CENPT: variants seen among roughly 807,000 people sequenced by gnomAD.
CENPT encodes centromere protein T.
Under a neutral mutation model 59.7 loss-of-function variants are expected in CENPT, and 42 were observed. The observed-to-expected ratio is 0.70, with a 90% CI of 0.55 to 0.91. The LOEUF is 0.91. CENPT is among the 40% of genes least tolerant of loss of function. The pLI is 0.00. For missense variants in CENPT, 716 were observed against 713.4 expected (o/e 1.00, Z -0.04); for synonymous variants, 295 against 289.6 (o/e 1.02, Z -0.19).
At chr16:67,844,420 A>G (rs534119325) in intron 1 of CENPT, among the ~76,000 whole-genome samples, 3 of 152,262 alleles carry the variant, frequency 2.0e-5, no homozygotes, top group African/African-American at 7.2e-5. Context: ...AACTGCACCA[A>G]ATGGGCCCAG....
chr16:67,842,629 G>A lies in CENPT; in HGVS notation c.-492+4772C>T, dbSNP rs1303762427. ...GGGACAAGGCGCTGCACTTCTACAC[G>A]TTTCCAAAGGACGCTGAGTTGCGGC... On this transcript the variant is annotated intron_variant, in intron 1 of 15. Coordinates refer to ENST00000562787, the MANE Select transcript of CENPT (RefSeq NM_025082.4). This position sits in a 1 kb window ranked among gnomAD's most constrained non-coding sequence, Gnocchi z 4.9. The A allele has an allele frequency of 6.4e-6, 10 of 1,552,680 alleles. No homozygotes were observed. The highest frequency in any genetic ancestry group is 2.4e-5 in the East Asian group (1 of 41,014).
rs553008941 is a variant in CENPT at position 67,834,558 on chromosome 16, T to C, written c.-241-458A>G. 2.4e-4 allele frequency among the ~76,000 whole-genome samples: 37 copies of C among 151,998 alleles called. 1 individual carries two copies. Among genetic ancestry groups the C allele is most frequent in the Non-Finnish European group, 1.9e-4 (13 of 68,008 alleles). Reference sequence around the variant, plus strand: ...TGCTTGAGCCCAGGAGTTCAAGACTTAAGTGAGTCGTGATCGCACTCCAGC... The same window carrying C: ...TGCTTGAGCCCAGGAGTTCAAGACTCAAGTGAGTCGTGATCGCACTCCAGC... On this transcript the variant is annotated intron_variant, in intron 3 of 15. Coordinates refer to ENST00000562787, the MANE Select transcript of CENPT (RefSeq NM_025082.4).
At chr16:67,845,741 G>A (rs1421093744) in intron 1 of CENPT, among the ~76,000 whole-genome samples, 2 of 152,232 alleles carry the variant, frequency 1.3e-5, no homozygotes, top group African/African-American at 4.8e-5. Context: ...CACAGAGCAA[G>A]GGAGATCCCA....
intron 9 of CENPT, 85 bp from the exon 10 acceptor site, chr16:67,831,443 C>T: frequency 2.5e-6 from 4 of 1,572,878 alleles, no homozygotes; most frequent in Non-Finnish European, 2.6e-6. Context: ...CTGGGGCTCT[C>T]ATCTCTTAGA....
At chr16:67,830,649 G>T (rs911813180) in intron 10 of CENPT, 101 bp from the exon 11 acceptor site, 2 of 1,273,814 alleles carry the variant, frequency 1.6e-6, no homozygotes, top group African/African-American at 1.5e-5. Flanking sequence ...ACTCAGCGTT[G>T]CCAGGGCCTG....
intron 5 of CENPT, 32 bp from the exon 6 acceptor site, chr16:67,832,347 C>G (rs750516820): frequency 6.2e-7 from 1 of 1,612,218 alleles, no homozygotes; most frequent in African/African-American, 1.3e-5. Flanking sequence ...ACCAGTCTGT[C>G]CGTCTGCCTT....
Position 67,842,413 on chromosome 16 carries a change from C to G in CENPT, c.-492+4988G>C. On this transcript the variant is annotated intron_variant, in intron 1 of 15. Transcript: ENST00000562787. The surrounding 1 kb of genome is among the most constrained non-coding windows in gnomAD (Gnocchi z 4.9). The stretch of plus-strand genomic sequence containing the variant: ...TCTGGGCACGGGGCGCCGGGCGGGC[C>G]GGCTGCGCCGAGCGGCAGTGGTGGG... 4.1e-6 allele frequency: 2 copies of G among 490,192 alleles called. No individual in the cohort carries two copies. The highest frequency in any genetic ancestry group is 5.9e-6 in the Non-Finnish European group (2 of 338,208). The allele number at this position is 490,192 out of a possible 1,614,324, so 30.4% of individuals were successfully genotyped here. A position where few individuals can be genotyped will look rare whatever the true frequency, so the allele number is the denominator to read the frequency against.
Position 67,842,992 on chromosome 16 carries a change from G to C in CENPT, c.-492+4409C>G. 6.2e-7 allele frequency: 1 copy of C among 1,612,476 alleles called. No individual in the cohort carries two copies. The highest frequency in any genetic ancestry group is 8.5e-7 in the Non-Finnish European group (1 of 1,180,026). On this transcript the variant is annotated intron_variant, in intron 1 of 15. Coordinates refer to ENST00000562787, the MANE Select transcript of CENPT (RefSeq NM_025082.4). This position sits in a 1 kb window ranked among gnomAD's most constrained non-coding sequence, Gnocchi z 4.9. ...CCACTGCCCAGACTGCCCAGCTGCA[G>C]CCGAACCTGGTATCTGCTTCCGCGG...
intron 1 of CENPT, among the ~76,000 whole-genome samples, chr16:67,844,465 CAAG>C (rs2057784253): frequency 1.3e-5 from 2 of 152,312 alleles, no homozygotes; most frequent in African/African-American, 4.8e-5. Context: ...ATCCTTTCAA[CAAG>C]AAGGACCAAC....
intron 7 of CENPT, 44 bp from the exon 8 acceptor site, chr16:67,831,934 T>C (rs1285100085): frequency 6.3e-7 from 1 of 1,596,122 alleles, no homozygotes; most frequent in Non-Finnish European, 8.5e-7. Flanking sequence ...GAAGTCCAAT[T>C]CTGGCTTTTG....
chr16:67,831,013 G>A (rs2057681998), intron 10 of CENPT: 1 of 684,702 alleles, frequency 1.5e-6, no homozygotes, highest in Admixed American at 2.6e-5. Flanking sequence ...CTAAGGATAT[G>A]GGGCCCTGGG....
At position 67,831,607 on chromosome 16, in the gene CENPT, G is replaced by A; in HGVS notation, c.529C>T (p.Gln177Ter). The A allele has an allele frequency of 1.2e-6, 2 of 1,614,150 alleles. No homozygotes were observed. Among genetic ancestry groups the A allele is most frequent in the Non-Finnish European group, 1.7e-6 (2 of 1,180,022 alleles). ...DQGLSLSQEP[Q>*]GNADASSLTR... ...AGGGAAGAGGCATCAGCATTCCCTT[G>A]AGGCTCTGTCAGCAACCGGCAAGAG... Residue 177 changes from glutamine (Q) to a stop codon, truncating the protein, a stop_gained, in exon 9 of 16, where the codon CAA (glutamine) becomes TAA (stop). Coordinates refer to ENST00000562787, the MANE Select transcript of CENPT (RefSeq NM_025082.4). LOFTEE classifies it high-confidence loss of function.
chr16:67,832,690 CT>C (rs1301689953), intron 4 of CENPT, 145 bp from the exon 5 acceptor site: 1 of 655,900 alleles, frequency 1.5e-6, no homozygotes, highest in Non-Finnish European at 2.6e-6. Flanking sequence ...ACCATCGCCC[CT>C]GTTCCCAGCC....
chr16:67,836,196 G>A (rs1219208112), intron 1 of CENPT, among the ~76,000 whole-genome samples: 1 of 151,572 alleles, frequency 6.6e-6, no homozygotes, highest in Non-Finnish European at 1.5e-5. Context: ...AAGTAGCTGG[G>A]ATTACAGGTG....
At chr16:67,840,093 G>C (rs2057752296) in intron 1 of CENPT, among the ~76,000 whole-genome samples, 1 of 152,034 alleles carries the variant, frequency 6.6e-6, no homozygotes, top group Non-Finnish European at 1.5e-5. Context: ...GAGGCGGGCG[G>C]ATCACGAAGT....
In CENPT at chr16:67,830,103, G is replaced by C; in HGVS notation, c.863-15C>G. 6.2e-7 allele frequency: 1 copy of C among 1,612,410 alleles called. No homozygotes were observed. Among genetic ancestry groups the C allele is most frequent in the South Asian group, 1.1e-5 (1 of 91,046 alleles). ...TTTCCCAGGGCCTGAGTGAAGGGGAGAGAATACAGGCCGGAGACGCAGCAG... is the reference window on the plus strand; with the variant it reads ...TTTCCCAGGGCCTGAGTGAAGGGGACAGAATACAGGCCGGAGACGCAGCAG... On this transcript the variant is annotated splice_polypyrimidine_tract_variant and intron_variant, in intron 11 of 15. Transcript: ENST00000562787.
rs371179336 is a variant in CENPT, at chr16:67,833,902, G to T, written c.-43C>A. On this transcript the variant is annotated 5_prime_UTR_variant, in exon 4 of 16. Transcript: ENST00000562787. The stretch of plus-strand genomic sequence containing the variant: ...CTCCTAACCGCCCAGCCAGCTGCAG[G>T]CTCCGCCTTCCCGCCGCCACAGTTA... 3.1e-6 allele frequency: 4 copies of T among 1,301,124 alleles called. No homozygotes were observed. The highest frequency in any genetic ancestry group is 4.1e-6 in the Non-Finnish European group (4 of 979,872). The allele number at this position is 1,301,124 out of a possible 1,614,324, so 80.6% of individuals were successfully genotyped here.
At chr16:67,844,105 T>C (rs2057782354) in intron 1 of CENPT, 1 of 166,998 alleles carries the variant, frequency 6.0e-6, no homozygotes, top group Non-Finnish European at 1.5e-5. Context: ...TTGCTACTGG[T>C]TACAAATTCT....
At chr16:67,832,637 C>A in intron 4 of CENPT, 92 bp from the exon 5 acceptor site, 1 of 1,178,414 alleles carries the variant, frequency 8.5e-7, no homozygotes. Flanking sequence ...TGGTCTGGAG[C>A]CGTTTTCCCT....
Sources: gnomAD v4.1 joint callset for allele counts (sites outside exome capture counted in the v4.1 genomes callset) on GRCh38, gnomAD v4.1.1 for gene constraint, Gnocchi (gnomAD v3.1) non-coding constraint, MANE v1.5 for transcripts, NCBI Gene and HGNC (gene_info 2026-07-23, HGNC 2026-07-21) for gene names.